The following PAM variants were observed in gnomAD, a reference collection of about 807,000 sequenced individuals.
PAM encodes the protein peptidylglycine alpha-amidating monooxygenase, also known as peptidyl-glycine alpha-amidating monooxygenase.
PAM carries 72 observed loss-of-function variants against 122.1 expected under a neutral mutation model. That is an observed-to-expected ratio of 0.59 (90% CI 0.49 to 0.72). PAM has a LOEUF of 0.72. Ranked by LOEUF, PAM falls within the 30% of genes least tolerant of loss-of-function variation. The probability of loss-of-function intolerance (pLI) is 0.00; values close to 1 mark genes in which losing one functional copy is unlikely to be tolerated. For missense variants in PAM, 1,106 were observed against 1,183.7 expected, an observed-to-expected ratio of 0.93 and a Z score of 0.96; for synonymous variants, 389 against 404.4, an observed-to-expected ratio of 0.96 and a Z score of 0.46.
At chr5:102,974,462 G>A (rs3733939) in intron 15 of PAM, 26 bp downstream of exon 15, 549,049 of 1,504,272 alleles carry the variant, frequency 0.36, 103,010 homozygotes, top group African/African-American at 0.54. Flanking sequence ...CTTTTAAGCA[G>A]TAAAGTGTGA....
chr5:102,806,278 C>G (rs1580360343), intron 1 of PAM, among the ~76,000 whole-genome samples: 1 of 152,202 alleles, frequency 6.6e-6, no homozygotes, highest in Non-Finnish European at 1.5e-5. Flanking sequence ...ACCTAGACCA[C>G]TGAAGCTGTC....
chr5:102,971,458 TACAGGGAAAG>T (rs1765800217), intron 14 of PAM, among the ~76,000 whole-genome samples: 1 of 152,142 alleles, frequency 6.6e-6, no homozygotes, highest in Non-Finnish European at 1.5e-5. Flanking sequence ...GGAGTTGCCA[TACAGGGAAAG>T]ACCAGAGTGC....
chr5:103,004,221 T>C (rs916561152), intron 17 of PAM, among the ~76,000 whole-genome samples: 1 of 152,218 alleles, frequency 6.6e-6, no homozygotes, highest in South Asian at 2.1e-4. Flanking sequence ...TGTTTGAACC[T>C]GTTTCATTGG....
At chr5:102,819,222 A>G (rs1201733303) in intron 1 of PAM, among the ~76,000 whole-genome samples, 1 of 152,174 alleles carries the variant, frequency 6.6e-6, no homozygotes, top group Non-Finnish European at 1.5e-5. Context: ...GTGATGAAAT[A>G]TGTGTGAAAT....
chr5:102,803,985 G>C lies in PAM; in HGVS notation c.-374+48637G>C, dbSNP rs558925792. Reference sequence around the variant, plus strand: ...TTCTGATGATGGGTCTTGAAGAACTGATAGGGTTTGGAATGGTAGGGAGGA... The same window carrying C: ...TTCTGATGATGGGTCTTGAAGAACTCATAGGGTTTGGAATGGTAGGGAGGA... On this transcript the variant is annotated intron_variant, in intron 1 of 25. Coordinates refer to ENST00000438793, the MANE Select transcript of PAM (RefSeq NM_001177306.2). Among the ~76,000 whole-genome samples the C allele has an allele frequency of 2.6e-5, 4 of 152,262 alleles. No homozygotes were observed. In the South Asian group the frequency reaches 8.3e-4, roughly 32 times the overall value.
chr5:102,978,901 C>T (rs1768683633), intron 15 of PAM, among the ~76,000 whole-genome samples: 1 of 151,358 alleles, frequency 6.6e-6, no homozygotes, highest in African/African-American at 2.4e-5. Context: ...TGCATTGATT[C>T]ATTAGAAAGG....
chr5:102,948,101 A>G (rs1447540038), intron 8 of PAM, among the ~76,000 whole-genome samples: 1 of 152,222 alleles, frequency 6.6e-6, no homozygotes, highest in Non-Finnish European at 1.5e-5. Flanking sequence ...TCACATTTAA[A>G]AATCACCTAC....
chr5:102,761,230 T>C (rs1235352143), intron 1 of PAM, among the ~76,000 whole-genome samples: 2 of 152,110 alleles, frequency 1.3e-5, no homozygotes, highest in East Asian at 3.9e-4. Flanking sequence ...ACTCAAAAAA[T>C]ATAAAACATA....
At chr5:103,017,938 G>T (rs1782492745) in intron 22 of PAM, among the ~76,000 whole-genome samples, 2 of 152,132 alleles carry the variant, frequency 1.3e-5, no homozygotes, top group Admixed American at 6.5e-5. Flanking sequence ...ATATTTTCAT[G>T]TAACTCAAAA....
chr5:102,853,206 C>G (rs2150754497), intron 1 of PAM, among the ~76,000 whole-genome samples: 1 of 152,294 alleles, frequency 6.6e-6, no homozygotes, highest in South Asian at 2.1e-4. Flanking sequence ...CCTAATAATC[C>G]TGACATAACA....
At chr5:102,965,674 C>G (rs11956877) in intron 14 of PAM, among the ~76,000 whole-genome samples, 7 of 152,004 alleles carry the variant, frequency 4.6e-5, no homozygotes. Context: ...TATAATCAAT[C>G]TTTCTACTCA....
chr5:102,974,277 G>C lies in PAM; in HGVS notation c.1324G>C (p.Glu442Gln), dbSNP rs911872280. 5 of 1,614,104 alleles carry C rather than the reference G, an allele frequency of 3.1e-6. No individual in the cohort carries two copies. Among genetic ancestry groups the C allele is most frequent in the Non-Finnish European group, 3.4e-6 (4 of 1,179,980 alleles). ...GGATCTTGGTCGATCTGATGCCAGA[G>C]AGGGTGCAGAACATGAGAGGGGTAA... is the stretch of plus-strand genomic sequence containing the variant. ...KKDLGRSDAR[E>Q]GAEHERGNAI... The change falls in exon 15 of 26, where the codon GAG becomes CAG. Residue 442 changes from glutamate (E) to glutamine (Q), a missense_variant. Glu to Gln is a conservative substitution (Grantham distance 29). This residue lies in a region of PAM where 670 missense variants were observed against 690.3 expected (regional missense o/e 0.97). Coordinates refer to ENST00000438793, the MANE Select transcript of PAM (RefSeq NM_001177306.2).
At chr5:102,860,949 T>C (rs75585977) in intron 1 of PAM, among the ~76,000 whole-genome samples, 3,210 of 152,258 alleles carry the variant, frequency 0.021, 56 homozygotes, top group African/African-American at 0.051. Context: ...GGCTGACCTG[T>C]ATAGCCAGCA....
chr5:103,017,671 A>C (rs1269220010), intron 22 of PAM, among the ~76,000 whole-genome samples: 2 of 152,162 alleles, frequency 1.3e-5, no homozygotes, highest in African/African-American at 4.8e-5. Flanking sequence ...ACTGTCTGTT[A>C]CATTAAAAGT....
intron 2 of PAM, 124 bp from the exon 3 acceptor site, chr5:102,867,149 T>TTA: frequency 1.6e-6 from 1 of 614,508 alleles, no homozygotes; most frequent in South Asian, 2.4e-5. Context: ...CATCACATCT[T>TTA]TAGAGTTTTC....
At chr5:103,013,037 G>A (rs1299498455) in intron 21 of PAM, among the ~76,000 whole-genome samples, 1 of 151,954 alleles carries the variant, frequency 6.6e-6, no homozygotes, top group East Asian at 1.9e-4. Flanking sequence ...TTTTTGCTCA[G>A]GTTAGTTTTG....
chr5:102,921,946 G>A (rs1747586614), intron 5 of PAM, among the ~76,000 whole-genome samples: 1 of 152,066 alleles, frequency 6.6e-6, no homozygotes. Flanking sequence ...TGCTGGCAGT[G>A]TTCTTATATG....
intron 18 of PAM, among the ~76,000 whole-genome samples, chr5:103,006,085 C>T (rs1179187820): frequency 3.3e-5 from 5 of 152,048 alleles, no homozygotes; most frequent in African/African-American, 1.2e-4. Flanking sequence ...CAGTCACACA[C>T]CAGCATACTT....
rs1345810370 is a variant in PAM, at chr5:102,786,391, T to C, written c.-374+31043T>C. 3.9e-5 allele frequency among the ~76,000 whole-genome samples: 6 copies of C among 152,240 alleles called. No individual in the cohort carries two copies. In the East Asian group the frequency reaches 1.2e-3, roughly 29 times the overall value. On this transcript the variant is annotated intron_variant, in intron 1 of 25. Transcript: ENST00000438793. ...CTGTAAAAGTACTTTGAATAGCGCC[T>C]AGAATTTAATTCGTAATCATTAGTG...
Sources: gnomAD v4.1 joint callset for allele counts (sites outside exome capture counted in the v4.1 genomes callset) on GRCh38, gnomAD v4.1.1 for gene constraint, gnomAD v4.1.1 regional missense constraint, MANE v1.5 for transcripts, NCBI Gene and HGNC (gene_info 2026-07-23, HGNC 2026-07-21) for gene names.